TTC7A: variants seen among roughly 807,000 people sequenced by gnomAD.
TTC7A encodes tetratricopeptide repeat domain 7A.
TTC7A carries 110 observed loss-of-function variants against 103.7 expected under a neutral mutation model. The observed-to-expected ratio is 1.06, with a 90% CI of 0.91 to 1.24. The LOEUF is 1.24. TTC7A is among the 50% of genes most tolerant of loss of function. The pLI is 0.00. For missense variants in TTC7A, 1,340 were observed against 1,116.3 expected, an observed-to-expected ratio of 1.20 and a Z score of -2.86; for synonymous variants, 521 against 467.9, an observed-to-expected ratio of 1.11 and a Z score of -1.47.
At chr2:46,984,132 G>T (rs1011913903) in intron 5 of TTC7A, among the ~76,000 whole-genome samples, 3 of 152,210 alleles carry the variant, frequency 2.0e-5, no homozygotes, top group Non-Finnish European at 4.4e-5. Context: ...CGAGGCACGG[G>T]GAACAAAAAT....
rs894297995 is a variant in TTC7A, at chr2:46,941,488, C to T, written c.-54C>T. The T allele has an allele frequency of 2.6e-6, 4 of 1,523,530 alleles. No homozygotes were observed. The highest frequency in any genetic ancestry group is 2.0e-5 in the Admixed American group (1 of 49,344). The allele number at this position is 1,523,530 out of a possible 1,614,324, so 94.4% of individuals were successfully genotyped here. A position where few individuals can be genotyped will look rare whatever the true frequency, so the allele number is the denominator to read the frequency against. ...GTGCGCCCCAGCCAGGACGCCGCCC[C>T]CGGCCGGGTCTCCACTTCTTGGCCG... On this transcript the variant is annotated 5_prime_UTR_variant, in exon 1 of 20. Coordinates refer to ENST00000319190, the MANE Select transcript of TTC7A (RefSeq NM_020458.4). The surrounding 1 kb of genome is among the most constrained non-coding windows in gnomAD (Gnocchi z 4.2).
chr2:46,941,831 A>C lies in TTC7A; in HGVS notation c.184+106A>C, dbSNP rs935899657. 4.2e-6 allele frequency: 6 copies of C among 1,422,542 alleles called. No homozygotes were observed. The African/African-American group carries it at 7.1e-5, about 17-fold the overall frequency. The allele number at this position is 1,422,542 out of a possible 1,614,324, so 88.1% of individuals were successfully genotyped here. On this transcript the variant is annotated intron_variant, in intron 1 of 19. Coordinates refer to ENST00000319190, the MANE Select transcript of TTC7A (RefSeq NM_020458.4). The surrounding 1 kb of genome is among the most constrained non-coding windows in gnomAD (Gnocchi z 4.2). ...CCTCGGCCGACAGCGGGCGCCTGCC[A>C]GCCCACCGTGCTAGTCTTAAGAGCA...
intron 5 of TTC7A, among the ~76,000 whole-genome samples, chr2:46,981,685 A>G (rs564344882): frequency 4.6e-5 from 7 of 152,344 alleles, no homozygotes; most frequent in African/African-American, 1.4e-4. Context: ...GTGCCCTTGT[A>G]TGGAGTGGGT....
chr2:46,958,753 G>A (rs1381133320), intron 3 of TTC7A, among the ~76,000 whole-genome samples: 1 of 152,192 alleles, frequency 6.6e-6, no homozygotes, highest in African/African-American at 2.4e-5. Flanking sequence ...CATGCACGTG[G>A]CCACCAGGGT....
chr2:46,988,197 C>G (rs1675237301), intron 5 of TTC7A, among the ~76,000 whole-genome samples: 1 of 152,172 alleles, frequency 6.6e-6, no homozygotes, highest in Admixed American at 6.5e-5. Flanking sequence ...TCCCCACCCC[C>G]ATCCCCGGCC....
intron 8 of TTC7A, among the ~76,000 whole-genome samples, chr2:47,005,352 A>C (rs1159811653): frequency 1.3e-5 from 2 of 152,126 alleles, no homozygotes; most frequent in Non-Finnish European, 2.9e-5. Flanking sequence ...AGAGCCACCT[A>C]CCCAATCCAG....
At chr2:46,988,040 G>A (rs1675218151) in intron 5 of TTC7A, among the ~76,000 whole-genome samples, 1 of 152,072 alleles carries the variant, frequency 6.6e-6, no homozygotes, top group Non-Finnish European at 1.5e-5. Flanking sequence ...GGGGTTCCAG[G>A]GCCACAGTCA....
At chr2:47,001,312 G>A (rs1418950013) in intron 8 of TTC7A, among the ~76,000 whole-genome samples, 1 of 152,152 alleles carries the variant, frequency 6.6e-6, no homozygotes. Flanking sequence ...TATCTTACTA[G>A]GTTGGAAAAA....
At chr2:47,029,848 C>G (rs993403660) in intron 15 of TTC7A, among the ~76,000 whole-genome samples, 9 of 152,190 alleles carry the variant, frequency 5.9e-5, no homozygotes, top group African/African-American at 2.2e-4. Context: ...TTCATACCTC[C>G]CCACCTCCCT....
At position 47,029,304 on chromosome 2, in the gene TTC7A, G is replaced by A; in HGVS notation, c.1722G>A (p.Leu574=). The change falls in exon 15 of 20, where the codon CTG becomes CTA. Residue 574 remains leucine (L), a synonymous_variant. Coordinates refer to ENST00000319190, the MANE Select transcript of TTC7A (RefSeq NM_020458.4). ...CCCACGCCCTCCACCTGCTGGCACT[G>A]CTCTTCTCTGCCCAGAAGCACCACC... The part of the protein sequence containing the change: ...DDAHALHLLA[L]LFSAQKHHQH... 1 of 1,614,044 alleles carries A rather than the reference G, an allele frequency of 6.2e-7. No individual in the cohort carries two copies. The highest frequency in any genetic ancestry group is 1.1e-5 in the South Asian group (1 of 91,084).
chr2:46,982,995 A>G (rs182144777), intron 5 of TTC7A, among the ~76,000 whole-genome samples: 27 of 152,292 alleles, frequency 1.8e-4, no homozygotes, highest in Non-Finnish European at 3.2e-4. Context: ...AATAAAATAA[A>G]AATAGAAATA....
intron 2 of TTC7A, among the ~76,000 whole-genome samples, chr2:46,922,298 G>A (rs1374363619): frequency 6.6e-6 from 1 of 152,150 alleles, no homozygotes. Flanking sequence ...ATTTCCTTGA[G>A]CGTTTTTATA....
Position 47,073,996 on chromosome 2 carries a change from C to A in TTC7A, c.*73C>A. On this transcript the variant is annotated 3_prime_UTR_variant, in exon 20 of 20. Transcript: ENST00000319190. ...GCAGGGAACGTGGGTCAGGGTGGGG[C>A]AACAGTGGCATCAGGTGCGGGGCCT... The A allele has an allele frequency of 8.2e-7, 1 of 1,224,392 alleles. No homozygotes were observed. Among genetic ancestry groups the A allele is most frequent in the Non-Finnish European group, 1.2e-6 (1 of 863,538 alleles). 75.8% of individuals were successfully genotyped at this position (1,224,392 alleles called of 1,614,324 possible). A position where few individuals can be genotyped will look rare whatever the true frequency, so the allele number is the denominator to read the frequency against.
chr2:47,057,110 A>T (rs1351959653), intron 18 of TTC7A, among the ~76,000 whole-genome samples: 3 of 152,210 alleles, frequency 2.0e-5, no homozygotes, highest in Admixed American at 6.5e-5. Flanking sequence ...ATGGCTAGCA[A>T]AGCGTCGAGC....
At chr2:47,014,951 T>G (rs1482886947) in intron 11 of TTC7A, among the ~76,000 whole-genome samples, 1 of 152,152 alleles carries the variant, frequency 6.6e-6, no homozygotes. Flanking sequence ...AGAGCAAGGT[T>G]GTGTCTTGGG....
At chr2:47,063,019 A>G (rs763789493) in intron 19 of TTC7A, among the ~76,000 whole-genome samples, 1 of 152,240 alleles carries the variant, frequency 6.6e-6, no homozygotes, top group Non-Finnish European at 1.5e-5. Context: ...AGAATAGCAA[A>G]TGTTCAGCCT....
At chr2:46,923,772 C>T (rs1669235922) in intron 2 of TTC7A, among the ~76,000 whole-genome samples, 1 of 151,916 alleles carries the variant, frequency 6.6e-6, no homozygotes, top group African/African-American at 2.4e-5. Flanking sequence ...CACTCTTGTC[C>T]ACCAGGCTGG....
chr2:47,047,050 G>T, intron 16 of TTC7A: 1 of 543,088 alleles, frequency 1.8e-6, no homozygotes. Context: ...GCCAGAGCAG[G>T]GCACTCTTGT....
chr2:47,015,611 A>G (rs1431162319), intron 11 of TTC7A, among the ~76,000 whole-genome samples: 1 of 152,208 alleles, frequency 6.6e-6, no homozygotes, highest in Non-Finnish European at 1.5e-5. Flanking sequence ...GTCCGCCATT[A>G]TGGGGTAGCT....
Sources: gnomAD v4.1 joint callset for allele counts (sites outside exome capture counted in the v4.1 genomes callset) on GRCh38, gnomAD v4.1.1 for gene constraint, Gnocchi (gnomAD v3.1) non-coding constraint, MANE v1.5 for transcripts, NCBI Gene and HGNC (gene_info 2026-07-23, HGNC 2026-07-21) for gene names.